Variants in RBM41 observed in about 807,000 individuals in gnomAD.
RBM41 encodes the protein RNA-binding protein 41.
RBM41 carries 14 observed loss-of-function variants against 30.8 expected under a neutral mutation model. The observed-to-expected ratio is 0.45, with a 90% CI of 0.30 to 0.71. RBM41 has a LOEUF of 0.71. Ranked by LOEUF, RBM41 falls within the 30% of genes least tolerant of loss-of-function variation. RBM41 has a pLI of 0.08. For missense variants in RBM41, 276 were observed against 326.3 expected (o/e 0.85, Z 1.19); for synonymous variants, 120 against 110.1 (o/e 1.09, Z -0.56).
At chrX:107,090,957 C>T (rs1009587928) in intron 5 of RBM41, among the ~76,000 whole-genome samples, 2 of 109,378 alleles carry the variant, frequency 1.8e-5, no homozygotes, top group African/African-American at 6.7e-5. Flanking sequence ...TCTCCCTCCC[C>T]TTTCCCTCCA....
At chrX:107,098,585 G>A (rs142925954) in intron 5 of RBM41, among the ~76,000 whole-genome samples, 2,783 of 111,487 alleles carry the variant, frequency 0.025, 98 homozygotes, top group African/African-American at 0.085. Flanking sequence ...GGTGTTAGAA[G>A]GCTATCTACA....
chrX:107,111,573 TCAAA>T (rs1325973551), intron 5 of RBM41, among the ~76,000 whole-genome samples: 3 of 111,384 alleles, frequency 2.7e-5, no homozygotes, highest in Non-Finnish European at 5.7e-5. Flanking sequence ...AAGCAGGTAT[TCAAA>T]CAGATATTTG....
At chrX:107,108,361 C>A (rs1602611121) in intron 5 of RBM41, among the ~76,000 whole-genome samples, 1 of 111,509 alleles carries the variant, frequency 9.0e-6, no homozygotes, top group African/African-American at 3.3e-5. Flanking sequence ...GCACACTTCA[C>A]TCCGTGACTC....
intron 5 of RBM41, among the ~76,000 whole-genome samples, chrX:107,107,245 T>C (rs775870120): frequency 2.2e-4 from 24 of 111,037 alleles, no homozygotes; most frequent in African/African-American, 7.5e-4. Flanking sequence ...CACAAAATTA[T>C]ACACATTAGC....
chrX:107,081,095 A>G (rs1373856595), intron 6 of RBM41, among the ~76,000 whole-genome samples: 1 of 111,971 alleles, frequency 8.9e-6, no homozygotes, highest in East Asian at 2.8e-4. Flanking sequence ...TACATCATCA[A>G]ACACAAGGTC....
In RBM41 at chrX:107,077,708, T is replaced by C. The variant is rs934335861; in HGVS notation, c.1000-8306A>G. 3.6e-5 allele frequency among the ~76,000 whole-genome samples: 4 copies of C among 111,493 alleles called. No homozygotes were observed. The East Asian group carries it at 1.1e-3, about 32-fold the overall frequency. On this transcript the variant is annotated intron_variant, in intron 6 of 7. Coordinates refer to ENST00000685964, the MANE Select transcript of RBM41 (RefSeq NM_001324242.2). ...AGCATAAAGCTCTTCCTGGTATCCC[T>C]ATGCAATACACGGTATTATTTTACA... is the stretch of plus-strand genomic sequence containing the variant.
Position 107,063,952 on chromosome X carries a change from C to CTTTTT in RBM41, c.*3570_*3574dup, listed in dbSNP as rs1202676973. 1.1e-4 allele frequency among the ~76,000 whole-genome samples: 10 copies of CTTTTT among 90,907 alleles called. No individual in the cohort carries two copies. Among genetic ancestry groups the CTTTTT allele is most frequent in the Non-Finnish European group, 2.0e-4 (9 of 45,746 alleles). The allele number at this position is 90,907 out of a possible 115,157, so 78.9% of individuals were successfully genotyped here. A position where few individuals can be genotyped will look rare whatever the true frequency, so the allele number is the denominator to read the frequency against. ...AGGTTAGTGCTATGGTCTTTCTTTT[C>CTTTTT]TTTTTTTTTTTTTTTTTGAGATGGA... On this transcript the variant is annotated 3_prime_UTR_variant, in exon 8 of 8. Coordinates refer to ENST00000685964, the MANE Select transcript of RBM41 (RefSeq NM_001324242.2).
intron 6 of RBM41, chrX:107,070,052 A>G (rs978527673): frequency 8.0e-6 from 2 of 251,150 alleles, no homozygotes; most frequent in Non-Finnish European, 1.5e-5. Context: ...CCACTTAAGA[A>G]TCCTTAAATA....
chrX:107,104,060 G>A (rs1923715551), intron 5 of RBM41, among the ~76,000 whole-genome samples: 1 of 110,057 alleles, frequency 9.1e-6, no homozygotes, highest in Non-Finnish European at 1.9e-5. Flanking sequence ...TACAAATCAG[G>A]GCCTGTTTTC....
intron 5 of RBM41, among the ~76,000 whole-genome samples, chrX:107,096,392 T>C (rs748794309): frequency 1.9e-4 from 21 of 112,161 alleles, no homozygotes; most frequent in African/African-American, 6.5e-4. Context: ...AGTAAAAAGA[T>C]TTAGAGTATA....
At position 107,067,024 on chromosome X, in the gene RBM41, A is replaced by G; in HGVS notation, c.*503T>C. 2 of 749,722 alleles carry G rather than the reference A, an allele frequency of 2.7e-6. No individual in the cohort carries two copies. Among genetic ancestry groups the G allele is most frequent in the Non-Finnish European group, 3.1e-6 (2 of 635,443 alleles). The allele number at this position is 749,722 out of a possible 1,213,427, so 61.8% of individuals were successfully genotyped here. ...CAACTGACTTATGAAACTACCTACT[A>G]TTACTGCTGATAGTTCTGACTTAAT... On this transcript the variant is annotated 3_prime_UTR_variant, in exon 8 of 8. Transcript: ENST00000685964.
At chrX:107,083,300 T>C (rs778284044) in intron 6 of RBM41, among the ~76,000 whole-genome samples, 5 of 111,508 alleles carry the variant, frequency 4.5e-5, no homozygotes, top group Admixed American at 9.5e-5. Context: ...TGTTTCTATA[T>C]AGGTAAAGTG....
chrX:107,066,846 C>T lies in RBM41; in HGVS notation c.*681G>A, dbSNP rs914435429. 1 of 735,162 alleles carries T rather than the reference C, an allele frequency of 1.4e-6. No individual in the cohort carries two copies. The highest frequency in any genetic ancestry group is 2.3e-5 in the African/African-American group (1 of 42,750). The allele number at this position is 735,162 out of a possible 1,213,427, so 60.6% of individuals were successfully genotyped here. A position where few individuals can be genotyped will look rare whatever the true frequency, so the allele number is the denominator to read the frequency against. On this transcript the variant is annotated 3_prime_UTR_variant, in exon 8 of 8. Coordinates refer to ENST00000685964, the MANE Select transcript of RBM41 (RefSeq NM_001324242.2). ...ATTTAACATATATTAGACACTTAATCAATGTTTATTGCTATGAATTCAATG... is the reference window on the plus strand; with the variant it reads ...ATTTAACATATATTAGACACTTAATTAATGTTTATTGCTATGAATTCAATG...
chrX:107,097,753 T>C (rs190950781), intron 5 of RBM41, among the ~76,000 whole-genome samples: 40 of 112,340 alleles, frequency 3.6e-4, no homozygotes, highest in Admixed American at 3.8e-4. Flanking sequence ...AAATTGCTGA[T>C]ACATGCCACA....
chrX:107,077,613 T>C (rs1272253338), intron 6 of RBM41, among the ~76,000 whole-genome samples: 7 of 78,624 alleles, frequency 8.9e-5, no homozygotes, highest in African/African-American at 3.7e-4. Context: ...CACACACAGA[T>C]AAAGCTAGGT....
intron 6 of RBM41, among the ~76,000 whole-genome samples, chrX:107,074,449 C>T (rs1470830655): frequency 4.5e-5 from 5 of 110,994 alleles, no homozygotes; most frequent in Non-Finnish European, 9.4e-5. Flanking sequence ...GAGAACATCA[C>T]TTTTCTGTTT....
chrX:107,088,386 TA>T (rs1922224912), intron 6 of RBM41, 49 bp downstream of exon 6: 1 of 1,108,438 alleles, frequency 9.0e-7, no homozygotes, highest in East Asian at 3.0e-5. Flanking sequence ...TAGGTAGAGG[TA>T]AATAAAAGCG....
chrX:107,071,791 A>T (rs1332539668), intron 6 of RBM41, among the ~76,000 whole-genome samples: 1 of 112,042 alleles, frequency 8.9e-6, no homozygotes, highest in East Asian at 2.8e-4. Flanking sequence ...CACAGCTATA[A>T]TATTCAGTAT....
the RBM41 span, among the ~76,000 whole-genome samples, chrX:107,055,356 G>A: frequency 3.6e-5 from 4 of 111,356 alleles, no homozygotes; most frequent in Non-Finnish European, 7.6e-5. Flanking sequence ...ACGGAGTCTT[G>A]CTCTGTCACC....
Sources: allele counts gnomAD v4.1 joint callset (sites outside exome capture counted in the v4.1 genomes callset), GRCh38; gene constraint gnomAD v4.1.1; transcripts MANE v1.5; gene names NCBI Gene and HGNC (gene_info 2026-07-23, HGNC 2026-07-21).